Variants in MEF2C observed in about 807,000 individuals in gnomAD.
MEF2C encodes the protein myocyte enhancer factor 2C.
In MEF2C, 6 loss-of-function variants were observed where a neutral mutation model predicts 50.5. That is an observed-to-expected ratio of 0.12 (90% confidence interval 0.07 to 0.23). The LOEUF (loss-of-function observed/expected upper bound fraction) is 0.23, where lower values mean the gene tolerates loss of function less well. Ranked by LOEUF, MEF2C falls within the 10% of genes least tolerant of loss-of-function variation. MEF2C has a pLI of 1.00. For missense variants in MEF2C, 276 were observed against 605.0 expected (o/e 0.46, Z 5.70); for synonymous variants, 183 against 228.0 (o/e 0.80, Z 1.78).
At chr5:88,895,956 G>C (rs1835076455) in intron 1 of MEF2C, among the ~76,000 whole-genome samples, 1 of 152,170 alleles carries the variant, frequency 6.6e-6, no homozygotes. Flanking sequence ...ATCCAAAGGA[G>C]TATCCATGCT....
intron 1 of MEF2C, among the ~76,000 whole-genome samples, chr5:88,873,750 A>G (rs304138): frequency 0.55 from 72,867 of 133,256 alleles, 20,432 homozygotes; most frequent in African/African-American, 0.66. Flanking sequence ...GTTTATGTAA[A>G]GGGGGAAATA....
intron 2 of MEF2C, among the ~76,000 whole-genome samples, chr5:88,808,119 T>G (rs890637457): frequency 2.6e-5 from 4 of 152,192 alleles, no homozygotes; most frequent in African/African-American, 9.6e-5. Flanking sequence ...CTTTTTGGAA[T>G]GAATAAAGAA....
At chr5:88,899,328 G>A (rs139266473) in intron 1 of MEF2C, among the ~76,000 whole-genome samples, 165 of 152,132 alleles carry the variant, frequency 1.1e-3, no homozygotes, top group Middle Eastern at 3.4e-3. Flanking sequence ...GATAGGGTGG[G>A]GCCCAGTCAT....
At chr5:88,816,944 T>A (rs12521522) in intron 2 of MEF2C, among the ~76,000 whole-genome samples, 5,815 of 151,942 alleles carry the variant, frequency 0.038, 169 homozygotes, top group Non-Finnish European at 0.055. Flanking sequence ...CTGAAAGAGA[T>A]TCCAGATACT....
chr5:88,866,581 C>G (rs1389706126), intron 1 of MEF2C, among the ~76,000 whole-genome samples: 1 of 152,052 alleles, frequency 6.6e-6, no homozygotes, highest in Non-Finnish European at 1.5e-5. Flanking sequence ...GATCCTTTTC[C>G]TTTTTCAAAA....
At chr5:88,773,053 G>A (rs777875899) in intron 3 of MEF2C, 4 of 399,062 alleles carry the variant, frequency 1.0e-5, no homozygotes, top group Non-Finnish European at 1.4e-5. Context: ...AACACAATAC[G>A]TAAGTCACAG....
chr5:88,903,549 AG>A (rs1453882359), intron 1 of MEF2C, among the ~76,000 whole-genome samples: 100 of 152,206 alleles, frequency 6.6e-4, no homozygotes, highest in African/African-American at 2.3e-3. Flanking sequence ...GAGATTTATT[AG>A]AAAATAACTT....
At chr5:88,810,666 C>G (rs1191362184) in intron 2 of MEF2C, among the ~76,000 whole-genome samples, 2 of 152,064 alleles carry the variant, frequency 1.3e-5, no homozygotes, top group African/African-American at 4.8e-5. Context: ...GGCTGATGAA[C>G]TATAATTAAT....
At chr5:88,800,378 G>A (rs1797859774) in intron 3 of MEF2C, among the ~76,000 whole-genome samples, 1 of 152,156 alleles carries the variant, frequency 6.6e-6, no homozygotes, top group South Asian at 2.1e-4. Flanking sequence ...CCGTCCAATT[G>A]TTCCCAAGCT....
intron 1 of MEF2C, among the ~76,000 whole-genome samples, chr5:88,875,036 AT>A (rs1314449698): frequency 5.9e-5 from 9 of 152,026 alleles, no homozygotes; most frequent in Admixed American, 5.9e-4. Context: ...TTTTAATAGG[AT>A]TTTTTAAAAA....
intron 3 of MEF2C, among the ~76,000 whole-genome samples, chr5:88,776,623 A>G (rs535423056): frequency 6.6e-6 from 1 of 152,178 alleles, no homozygotes; most frequent in Non-Finnish European, 1.5e-5. Context: ...ATAGAAAAAT[A>G]CTGGAAGGGG....
intron 3 of MEF2C, among the ~76,000 whole-genome samples, chr5:88,800,404 T>C (rs1797868085): frequency 6.6e-6 from 1 of 152,232 alleles, no homozygotes; most frequent in South Asian, 2.1e-4. Flanking sequence ...TTTGCATATA[T>C]GTTTTACATC....
upstream of MEF2C, chr5:88,883,221 G>C (rs1267725504): frequency 1.3e-5 from 2 of 149,472 alleles, no homozygotes; most frequent in East Asian, 2.0e-4. Context: ...CGATGTGTGC[G>C]TGTGTGCGCG....
At chr5:88,869,312 T>TAC (rs1828750636) in intron 1 of MEF2C, among the ~76,000 whole-genome samples, 2 of 111,680 alleles carry the variant, frequency 1.8e-5, no homozygotes, top group Admixed American at 1.1e-4. Flanking sequence ...TATATATATA[T>TAC]ATACACATAT....
intron 1 of MEF2C, among the ~76,000 whole-genome samples, chr5:88,834,227 T>C (rs1259068821): frequency 6.6e-6 from 1 of 152,102 alleles, no homozygotes; most frequent in Non-Finnish European, 1.5e-5. Context: ...CAGAATGCAG[T>C]CCACGCTACC....
At chr5:88,883,246 G>T (rs1833514229), upstream of MEF2C, 1 of 129,684 alleles carries the variant, frequency 7.7e-6, no homozygotes, top group South Asian at 2.9e-4. Context: ...CGAGGGGAGC[G>T]CGCGCGAGGG....
intron 4 of MEF2C, among the ~76,000 whole-genome samples, chr5:88,759,042 C>T (rs1776662413): frequency 3.9e-5 from 6 of 152,240 alleles, no homozygotes. Flanking sequence ...ATACATCTGT[C>T]TTTATTCCAA....
At chr5:88,736,174 T>G (rs1763987331) in intron 6 of MEF2C, 1 of 985,438 alleles carries the variant, frequency 1.0e-6, no homozygotes, top group East Asian at 1.1e-4. Context: ...ATCTTAGCTT[T>G]GGCTTCCATC....
chr5:88,846,241 T>C (rs1819308141), intron 1 of MEF2C, among the ~76,000 whole-genome samples: 1 of 152,096 alleles, frequency 6.6e-6, no homozygotes, highest in South Asian at 2.1e-4. Flanking sequence ...CTAATTTTTG[T>C]ATTTTTGGTA....
Sources: gnomAD v4.1 joint callset for allele counts (sites outside exome capture counted in the v4.1 genomes callset) on GRCh38, gnomAD v4.1.1 for gene constraint, MANE v1.5 for transcripts, NCBI Gene and HGNC (gene_info 2026-07-23, HGNC 2026-07-21) for gene names.